CEP76: variants seen among roughly 807,000 people sequenced by gnomAD.
CEP76 encodes centrosomal protein of 76 kDa.
CEP76 carries 55 observed loss-of-function variants against 83.3 expected under a neutral mutation model. The observed-to-expected ratio is 0.66, with a 90% CI of 0.53 to 0.83. The LOEUF (loss-of-function observed/expected upper bound fraction) is 0.83. Ranked by LOEUF, CEP76 falls within the 40% of genes least tolerant of loss-of-function variation. The pLI is 0.00. For synonymous variants in CEP76, 270 were observed against 274.5 expected (o/e 0.98, Z 0.16); for missense variants, 694 against 799.5 (o/e 0.87, Z 1.59).
intron 6 of CEP76, 128 bp downstream of exon 6, chr18:12,695,126 C>A: frequency 2.2e-6 from 1 of 452,982 alleles, no homozygotes; most frequent in Non-Finnish European, 4.0e-6. Flanking sequence ...TTTTGTGAAC[C>A]TTTGAGTGCT....
chr18:12,671,953 T>TGGGATTACAGGTGTG (rs1410242591), downstream of CEP76, among the ~76,000 whole-genome samples: 1 of 151,818 alleles, frequency 6.6e-6, no homozygotes, highest in African/African-American at 2.4e-5. Context: ...CCTGAGTAGC[T>TGGGATTACAGGTGTG]AGACTACAGG....
intron 6 of CEP76, among the ~76,000 whole-genome samples, chr18:12,693,954 C>T (rs1355504396): frequency 6.6e-6 from 1 of 152,098 alleles, no homozygotes; most frequent in Non-Finnish European, 1.5e-5. Flanking sequence ...ATTTCAGCTT[C>T]CCAAGCAGCT....
Position 12,683,265 on chromosome 18 carries a change from T to C in CEP76, c.1123-2437A>G, listed in dbSNP as rs2039416472. Reference sequence around the variant, plus strand: ...TACTCAGGAGGCTGAGGTAGGAGAATTGCTTGAGGCTGGGAGGCGGAGGTT... The same window carrying C: ...TACTCAGGAGGCTGAGGTAGGAGAACTGCTTGAGGCTGGGAGGCGGAGGTT... On this transcript the variant is annotated intron_variant, in intron 8 of 11. Transcript: ENST00000262127. 4.0e-5 allele frequency among the ~76,000 whole-genome samples: 6 copies of C among 149,254 alleles called. No individual in the cohort carries two copies. The South Asian group carries it at 1.3e-3, about 32-fold the overall frequency.
chr18:12,673,992 A>AT (rs1289144202), intron 11 of CEP76, among the ~76,000 whole-genome samples: 5 of 152,180 alleles, frequency 3.3e-5, no homozygotes, highest in Non-Finnish European at 5.9e-5. Context: ...TCCAAACAAA[A>AT]TCAGAGATAC....
chr18:12,696,450 C>T (rs1207034699), intron 5 of CEP76, among the ~76,000 whole-genome samples: 1 of 151,998 alleles, frequency 6.6e-6, no homozygotes, highest in Non-Finnish European at 1.5e-5. Flanking sequence ...TTGCAGTGAG[C>T]CGAGATTGCA....
chr18:12,698,997 C>T lies in CEP76; in HGVS notation c.502G>A (p.Val168Ile), dbSNP rs1231129169. 7 of 1,612,134 alleles carry T rather than the reference C, an allele frequency of 4.3e-6. No individual in the cohort carries two copies. The Admixed American group carries it at 8.3e-5, about 19-fold the overall frequency. The change falls in exon 4 of 12, where the codon GTA becomes ATA. Residue 168 changes from valine to isoleucine, a missense_variant. Coordinates refer to ENST00000262127, the MANE Select transcript of CEP76 (RefSeq NM_024899.4). ...TTCTTACCCAAGCTTTCTCTGTGTACTTCAAGTAAAAAGCCATCATGAAAA... is the reference window on the plus strand; with the variant it reads ...TTCTTACCCAAGCTTTCTCTGTGTATTTCAAGTAAAAAGCCATCATGAAAA... ...PDFHDGFLLE[V>I]HRESLGDGTR...
At chr18:12,682,615 C>G (rs1239020431) in intron 8 of CEP76, among the ~76,000 whole-genome samples, 1 of 151,884 alleles carries the variant, frequency 6.6e-6, no homozygotes, top group African/African-American at 2.4e-5. Flanking sequence ...AATAACCAAT[C>G]TTTTATTTTT....
chr18:12,696,538 A>T (rs2039964818), intron 5 of CEP76, among the ~76,000 whole-genome samples: 1 of 152,120 alleles, frequency 6.6e-6, no homozygotes. Context: ...TAAATTACTA[A>T]GGCTATGCTG....
chr18:12,680,324 A>G (rs573126701), intron 9 of CEP76, among the ~76,000 whole-genome samples: 1 of 152,134 alleles, frequency 6.6e-6, no homozygotes, highest in South Asian at 2.1e-4. Flanking sequence ...AGCCGGACAC[A>G]GTGGCTCACG....
At chr18:12,674,010 T>G (rs1292799600) in intron 11 of CEP76, among the ~76,000 whole-genome samples, 2 of 152,338 alleles carry the variant, frequency 1.3e-5, no homozygotes, top group African/African-American at 4.8e-5. Flanking sequence ...TACCTGAGAC[T>G]GCACCAAAAT....
chr18:12,699,276 T>C, intron 3 of CEP76, 73 bp from the exon 4 acceptor site: 2 of 1,098,058 alleles, frequency 1.8e-6, no homozygotes, highest in Non-Finnish European at 2.6e-6. Flanking sequence ...CATTAGGAAA[T>C]AAAAACTTGA....
intron 12 of CEP76, among the ~76,000 whole-genome samples, chr18:12,664,159 C>A (rs971802840): frequency 7.2e-6 from 1 of 139,170 alleles, no homozygotes; most frequent in Non-Finnish European, 1.6e-5. Context: ...GAGCGAAACT[C>A]CATCTCAAAA....
At position 12,673,493 on chromosome 18, in the gene CEP76, A is replaced by C. The variant is rs1279078975; in HGVS notation, c.1852T>G (p.Cys618Gly). Residue 618 changes from cysteine to glycine, a missense_variant, in exon 12 of 12, where the codon TGT becomes GGT. Cys to Gly is a radical substitution (Grantham distance 159, BLOSUM62 -3). Coordinates refer to ENST00000262127, the MANE Select transcript of CEP76 (RefSeq NM_024899.4). ...CCACGGCAACAGATTATTTCTTCAC[A>C]GAAAGGAGATCTATTTAAGAAAAAA... is the stretch of plus-strand genomic sequence containing the variant. ...AFATCLRSPF[C>G]EEIICCRGDQ... The C allele has an allele frequency of 1.3e-6, 2 of 1,579,546 alleles. No individual in the cohort carries two copies. The highest frequency in any genetic ancestry group is 1.2e-5 in the South Asian group (1 of 84,934).
At chr18:12,691,154 CTGAAAT>C (rs1373683238) in intron 7 of CEP76, 199 bp downstream of exon 7, 13 of 401,662 alleles carry the variant, frequency 3.2e-5, no homozygotes, top group East Asian at 7.7e-5. Flanking sequence ...CCCACAATAA[CTGAAAT>C]TGAAAGTAAA....
Position 12,697,109 on chromosome 18 carries a change from T to C in CEP76, c.706+114A>G, listed in dbSNP as rs147535605. The C allele has an allele frequency of 5.9e-5, 44 of 751,444 alleles. No homozygotes were observed. In the East Asian group the frequency reaches 1.2e-3, roughly 20 times the overall value. The allele number at this position is 751,444 out of a possible 1,614,324, so 46.5% of individuals were successfully genotyped here. A position where few individuals can be genotyped will look rare whatever the true frequency, so the allele number is the denominator to read the frequency against. The stretch of plus-strand genomic sequence containing the variant: ...AGGTCCAATTGTAACTCTAACGAAA[T>C]TCTATTTTACAGGTTTCCCTCTTGG... On this transcript the variant is annotated intron_variant, in intron 5 of 11. Transcript: ENST00000262127.
chr18:12,695,211 T>C (rs765168788), intron 6 of CEP76, 43 bp downstream of exon 6: 4 of 880,534 alleles, frequency 4.5e-6, no homozygotes, highest in Non-Finnish European at 5.2e-6. Context: ...TATACTACTA[T>C]GAAAACAAAC....
intron 9 of CEP76, 130 bp downstream of exon 9, chr18:12,680,532 G>A: frequency 1.8e-6 from 1 of 560,952 alleles, no homozygotes; most frequent in Non-Finnish European, 2.9e-6. Context: ...GGGAGGTGGA[G>A]GTTGCAGTGA....
At chr18:12,693,466 A>C (rs2039839221) in intron 6 of CEP76, among the ~76,000 whole-genome samples, 1 of 152,060 alleles carries the variant, frequency 6.6e-6, no homozygotes, top group Non-Finnish European at 1.5e-5. Flanking sequence ...TACCCCAAAA[A>C]AGTAGAGCCC....
intron 6 of CEP76, among the ~76,000 whole-genome samples, chr18:12,691,709 A>ATTT (rs537984227): frequency 2.1e-5 from 3 of 140,298 alleles, no homozygotes; most frequent in Non-Finnish European, 3.1e-5. Context: ...CAAAGACAGA[A>ATTT]TTTTTTTTTT....
Sources: gnomAD v4.1 joint callset for allele counts (sites outside exome capture counted in the v4.1 genomes callset) on GRCh38, gnomAD v4.1.1 for gene constraint, MANE v1.5 for transcripts, NCBI Gene and HGNC (gene_info 2026-07-23, HGNC 2026-07-21) for gene names.